The following SPRY3 variants were observed in gnomAD, a reference collection of about 807,000 sequenced individuals.
The protein encoded by SPRY3 is protein sprouty homolog 3.
A neutral mutation model predicts 20.2 loss-of-function variants in SPRY3; 15 were observed. The observed-to-expected ratio is 0.74, with a 90% CI of 0.50 to 1.14. The LOEUF is 1.14. Among genes scored for constraint, SPRY3 ranks in the 50% most tolerant of loss-of-function variants. SPRY3 has a pLI of 0.00. For missense variants in SPRY3, 364 were observed against 363.9 expected (o/e 1.00, Z 0.00); for synonymous variants, 143 against 136.5 (o/e 1.05, Z -0.33).
At chrX:155,699,299 A>G (rs1421725785) in intron 2 of SPRY3, among the ~76,000 whole-genome samples, 1 of 111,642 alleles carries the variant, frequency 9.0e-6, no homozygotes, top group East Asian at 2.8e-4. Flanking sequence ...AGACAAAATT[A>G]CACACTCATA....
At chrX:155,764,419 A>G (rs2091316480) in intron 2 of SPRY3, among the ~76,000 whole-genome samples, 1 of 152,208 alleles carries the variant, frequency 6.6e-6, no homozygotes, top group Admixed American at 6.5e-5. Context: ...TTCTGTATAT[A>G]ATTGTACTAT....
At chrX:155,709,342 G>A (rs1363365785) in intron 2 of SPRY3, among the ~76,000 whole-genome samples, 2 of 151,618 alleles carry the variant, frequency 1.3e-5, no homozygotes. Context: ...GTTATTGTCT[G>A]TCTTTTGGAT....
chrX:155,767,815 G>C (rs1246485891), intron 2 of SPRY3, 147 bp from the exon 2 acceptor site: 3 of 151,764 alleles, frequency 2.0e-5, no homozygotes, highest in Admixed American at 1.3e-4. Context: ...AGCTTTCTTT[G>C]GGAAATACGT....
At chrX:155,703,795 C>G (rs1441774287) in intron 2 of SPRY3, among the ~76,000 whole-genome samples, 4 of 151,868 alleles carry the variant, frequency 2.6e-5, no homozygotes, top group African/African-American at 9.7e-5. Flanking sequence ...GAATGTGTCC[C>G]AGAGATTCTG....
chrX:155,631,073 A>G (rs2067904946), intron 1 of SPRY3, among the ~76,000 whole-genome samples: 1 of 110,321 alleles, frequency 9.1e-6, no homozygotes, highest in Non-Finnish European at 1.9e-5. Context: ...CCCAGTACGT[A>G]CCTTTTCAAC....
chrX:155,740,760 CAT>C (rs2124572754), intron 2 of SPRY3, among the ~76,000 whole-genome samples: 1 of 152,230 alleles, frequency 6.6e-6, no homozygotes, highest in South Asian at 2.1e-4. Flanking sequence ...TCCTCAGAAA[CAT>C]GTGATCTTTG....
chrX:155,615,847 T>C (rs2067849624), intron 1 of SPRY3, among the ~76,000 whole-genome samples: 1 of 111,299 alleles, frequency 9.0e-6, no homozygotes, highest in South Asian at 3.8e-4. Flanking sequence ...ACAATTAATT[T>C]TGCAGTGAAG....
chrX:155,638,094 G>A (rs1422505158), intron 1 of SPRY3, among the ~76,000 whole-genome samples: 2 of 104,113 alleles, frequency 1.9e-5, no homozygotes, highest in Non-Finnish European at 3.9e-5. Flanking sequence ...TTTTAATGGA[G>A]TGTCTGAGTT....
At chrX:155,729,785 TAAAC>T (rs1470821538) in intron 2 of SPRY3, among the ~76,000 whole-genome samples, 2 of 151,014 alleles carry the variant, frequency 1.3e-5, no homozygotes, top group Non-Finnish European at 3.0e-5. Flanking sequence ...TTTGAAAAGA[TAAAC>T]AAAATTCACA....
chrX:155,714,276 G>A (rs1352254886), intron 2 of SPRY3, among the ~76,000 whole-genome samples: 1 of 152,108 alleles, frequency 6.6e-6, no homozygotes, highest in African/African-American at 2.4e-5. Flanking sequence ...GTTCTTCAGT[G>A]TCTGAGTGTT....
intron 2 of SPRY3, among the ~76,000 whole-genome samples, chrX:155,762,135 G>T (rs1052323295): frequency 6.6e-6 from 1 of 151,994 alleles, no homozygotes; most frequent in Admixed American, 6.5e-5. Context: ...CCCTATTTAT[G>T]GTATAGTGAA....
At chrX:155,762,944 C>CA (rs1442707163) in intron 2 of SPRY3, among the ~76,000 whole-genome samples, 1 of 152,050 alleles carries the variant, frequency 6.6e-6, no homozygotes, top group Non-Finnish European at 1.5e-5. Flanking sequence ...TTCACAATGG[C>CA]AAAGACATGG....
chrX:155,661,778 C>T (rs2068010608), intron 2 of SPRY3, among the ~76,000 whole-genome samples: 1 of 111,490 alleles, frequency 9.0e-6, no homozygotes, highest in African/African-American at 3.3e-5. Flanking sequence ...ATTCAAAAGA[C>T]CTGTCTTCAA....
intron 1 of SPRY3, among the ~76,000 whole-genome samples, chrX:155,623,978 G>T (rs1280973398): frequency 1.8e-5 from 2 of 112,284 alleles, no homozygotes; most frequent in Non-Finnish European, 3.8e-5. Context: ...TGTGAATTAA[G>T]TGAGATAGTG....
chrX:155,695,685 T>A lies in SPRY3; in HGVS notation c.-282+38660T>A, dbSNP rs984221963. On this transcript the variant is annotated intron_variant, in intron 2 of 3. Transcript: ENST00000675360. ...TCCTTCTCATTTTCAGGTATTATAA[T>A]TTCTATGAATCTATATTTACATTCA... Among the ~76,000 whole-genome samples the A allele has an allele frequency of 2.7e-5, 3 of 111,359 alleles. No individual in the cohort carries two copies. The East Asian group carries it at 8.4e-4, about 31-fold the overall frequency.
At chrX:155,613,002 G>T (rs922218289) in intron 1 of SPRY3, 5 of 112,445 alleles carry the variant, frequency 4.4e-5, no homozygotes, top group Non-Finnish European at 9.4e-5. Flanking sequence ...TGCCTCTGGC[G>T]CCCGGGACTT....
intron 2 of SPRY3, among the ~76,000 whole-genome samples, chrX:155,744,069 A>G (rs1459150085): frequency 1.3e-5 from 2 of 152,054 alleles, no homozygotes; most frequent in Admixed American, 6.6e-5. Flanking sequence ...TACAGAAGGG[A>G]GAAAGAAGAT....
chrX:155,762,811 CA>C (rs1046251446), intron 2 of SPRY3, among the ~76,000 whole-genome samples: 1 of 151,760 alleles, frequency 6.6e-6, no homozygotes, highest in Non-Finnish European at 1.5e-5. Flanking sequence ...GGAGGTTTCT[CA>C]AAAAAAACTT....
chrX:155,652,371 C>G lies in SPRY3; in HGVS notation c.-440-4496C>G, dbSNP rs782083689. Among the ~76,000 whole-genome samples the G allele has an allele frequency of 4.5e-5, 5 of 110,750 alleles. No homozygotes were observed. In the East Asian group the frequency reaches 1.1e-3, roughly 25 times the overall value. On this transcript the variant is annotated intron_variant, in intron 1 of 3. Coordinates refer to ENST00000675360, the Ensembl canonical transcript of SPRY3. ...TAACTATTTTTTTTTTATCCATTAACTATCCCCACCTTCCTTCACCCCAGC... is the reference window on the plus strand; with the variant it reads ...TAACTATTTTTTTTTTATCCATTAAGTATCCCCACCTTCCTTCACCCCAGC...
Sources: allele counts gnomAD v4.1 joint callset (sites outside exome capture counted in the v4.1 genomes callset), GRCh38; gene constraint gnomAD v4.1.1; transcripts MANE v1.5; gene names NCBI Gene and HGNC (gene_info 2026-07-23, HGNC 2026-07-21).